The following IPCEF1 variants were observed in gnomAD, a reference collection of about 807,000 sequenced individuals.
IPCEF1 encodes interaction protein for cytohesin exchange factors 1.
A neutral mutation model predicts 50.9 loss-of-function variants in IPCEF1; 31 were observed. The observed-to-expected ratio is 0.61, with a 90% CI of 0.46 to 0.82. The LOEUF (loss-of-function observed/expected upper bound fraction) is 0.82. Among genes scored for constraint, IPCEF1 ranks in the 40% least tolerant of loss-of-function variants. IPCEF1 has a pLI of 0.00. For synonymous variants in IPCEF1, 181 were observed against 192.0 expected (o/e 0.94, Z 0.47); for missense variants, 458 against 514.0 (o/e 0.89, Z 1.05).
At chr6:154,259,666 A>G (rs1171908859) in intron 3 of IPCEF1, among the ~76,000 whole-genome samples, 1 of 151,986 alleles carries the variant, frequency 6.6e-6, no homozygotes, top group Admixed American at 6.5e-5. Flanking sequence ...ATAAATAAAT[A>G]AATAAAATAA....
chr6:154,201,606 T>C (rs1852629), intron 9 of IPCEF1, among the ~76,000 whole-genome samples: 88,976 of 152,098 alleles, frequency 0.58, 26,461 homozygotes, highest in East Asian at 0.89. Context: ...TTCAAAACTC[T>C]AAGGAAGGCC....
At chr6:154,315,122 A>G (rs1783181993) in intron 1 of IPCEF1, among the ~76,000 whole-genome samples, 1 of 152,156 alleles carries the variant, frequency 6.6e-6, no homozygotes, top group Non-Finnish European at 1.5e-5. Flanking sequence ...ACCTCAAATG[A>G]TCTGCCCGCC....
chr6:154,294,926 T>C (rs1191690733), intron 1 of IPCEF1, among the ~76,000 whole-genome samples: 2 of 151,762 alleles, frequency 1.3e-5, no homozygotes, highest in Non-Finnish European at 2.9e-5. Flanking sequence ...TGGCCGGGCG[T>C]GGTAACTCAT....
At chr6:154,270,105 T>C (rs912006190) in intron 2 of IPCEF1, among the ~76,000 whole-genome samples, 6 of 152,190 alleles carry the variant, frequency 3.9e-5, no homozygotes, top group African/African-American at 4.8e-5. Flanking sequence ...TAATGACTAT[T>C]TGATATATCA....
chr6:154,196,567 T>G (rs1776639789), intron 10 of IPCEF1, among the ~76,000 whole-genome samples: 1 of 152,214 alleles, frequency 6.6e-6, no homozygotes, highest in Non-Finnish European at 1.5e-5. Flanking sequence ...CTTCATTCAT[T>G]AAGTAGAAGT....
chr6:154,261,818 C>T (rs1224206475), intron 3 of IPCEF1, among the ~76,000 whole-genome samples: 2 of 152,090 alleles, frequency 1.3e-5, no homozygotes, highest in African/African-American at 4.8e-5. Flanking sequence ...ATTCCTTCCC[C>T]CTACCCCCAA....
At chr6:154,355,708 C>T (rs530788464) in intron 1 of IPCEF1, among the ~76,000 whole-genome samples, 20 of 152,116 alleles carry the variant, frequency 1.3e-4, no homozygotes, top group Non-Finnish European at 2.5e-4. Context: ...AGGCTGGTCT[C>T]GAACTCCTGA....
chr6:154,213,139 C>G lies in IPCEF1; in HGVS notation c.452-284G>C, dbSNP rs1583814152. 2.2e-5 allele frequency: 8 copies of G among 369,996 alleles called. No individual in the cohort carries two copies. The South Asian group carries it at 2.6e-4, about 12-fold the overall frequency. The allele number at this position is 369,996 out of a possible 1,614,324, so 22.9% of individuals were successfully genotyped here. ...ATAATTCCTCAAAAGAGGTGTGAGT[C>G]ATAATACCAAGAGAACACAAAATCA... On this transcript the variant is annotated intron_variant, in intron 8 of 11. Transcript: ENST00000367220.
intron 10 of IPCEF1, among the ~76,000 whole-genome samples, chr6:154,193,011 C>T (rs1802063435): frequency 6.6e-6 from 1 of 152,152 alleles, no homozygotes; most frequent in African/African-American, 2.4e-5. Context: ...AGCAATCCCA[C>T]TACTGGATAT....
chr6:154,204,209 A>G (rs1223979222), intron 9 of IPCEF1, among the ~76,000 whole-genome samples: 1 of 152,208 alleles, frequency 6.6e-6, no homozygotes, highest in Non-Finnish European at 1.5e-5. Context: ...AGCATCATTC[A>G]AATGTTAGCC....
rs373547029 is a variant in IPCEF1, at chr6:154,296,555, C to T, written c.-61-6799G>A. ...GTTGTTAAAATGAATATCGGCCGGG[C>T]GTGGTGGCTCACGCCTGTAATCCCA... On this transcript the variant is annotated intron_variant, in intron 1 of 11. Transcript: ENST00000367220. 1.2e-4 allele frequency among the ~76,000 whole-genome samples: 18 copies of T among 152,230 alleles called. No homozygotes were observed. In the East Asian group the frequency reaches 1.4e-3, roughly 11 times the overall value.
rs533236048 is a variant in IPCEF1 at position 154,158,956 on chromosome 6, A to C, written c.*872T>G. On this transcript the variant is annotated 3_prime_UTR_variant, in exon 12 of 12. Transcript: ENST00000367220. ...GATATTAAAACAATTCAGATGCCAA[A>C]GTCGTCTTGTCAATATTGATCCTGG... is the stretch of plus-strand genomic sequence containing the variant. 6.6e-6 allele frequency: 1 copy of C among 152,304 alleles called. No individual in the cohort carries two copies. The highest frequency in any genetic ancestry group is 1.5e-5 in the Non-Finnish European group (1 of 68,026). 9.4% of individuals were successfully genotyped at this position (152,304 alleles called of 1,614,324 possible). A position where few individuals can be genotyped will look rare whatever the true frequency, so the allele number is the denominator to read the frequency against.
chr6:154,348,412 A>G (rs1469152975), intron 1 of IPCEF1, among the ~76,000 whole-genome samples: 1 of 152,230 alleles, frequency 6.6e-6, no homozygotes, highest in African/African-American at 2.4e-5. Flanking sequence ...TAGACTGGCT[A>G]TAACTGAGTC....
intron 1 of IPCEF1, among the ~76,000 whole-genome samples, chr6:154,317,786 G>T (rs1484043037): frequency 6.6e-6 from 1 of 151,740 alleles, no homozygotes. Context: ...TTAAATGTTT[G>T]GTGCTTTCTT....
intron 10 of IPCEF1, among the ~76,000 whole-genome samples, chr6:154,190,644 A>C (rs1801790786): frequency 6.6e-6 from 1 of 152,158 alleles, no homozygotes; most frequent in Non-Finnish European, 1.5e-5. Flanking sequence ...CAATCCAGCA[A>C]TTGTACTCAT....
At position 154,213,959 on chromosome 6, in the gene IPCEF1, T is replaced by C. The variant is rs569195137; in HGVS notation, c.451+259A>G. ...ATTAAACATTTGCATCGGTGACTGT[T>C]TGAGATGTCATGAAGCCCACAGCTG... On this transcript the variant is annotated intron_variant, in intron 8 of 11. Transcript: ENST00000367220. 1.7e-4 allele frequency among the ~76,000 whole-genome samples: 26 copies of C among 152,330 alleles called. No homozygotes were observed. The South Asian group carries it at 5.2e-3, about 30-fold the overall frequency.
At chr6:154,288,223 G>C (rs1665004346) in intron 2 of IPCEF1, among the ~76,000 whole-genome samples, 1 of 152,174 alleles carries the variant, frequency 6.6e-6, no homozygotes, top group Non-Finnish European at 1.5e-5. Flanking sequence ...AATTGGAAAT[G>C]GTAGAAACTA....
intron 1 of IPCEF1, among the ~76,000 whole-genome samples, chr6:154,341,888 T>C (rs1376685191): frequency 1.3e-5 from 2 of 152,214 alleles, no homozygotes; most frequent in Non-Finnish European, 2.9e-5. Context: ...GTGTAAGCCT[T>C]GAACTGCTGC....
Position 154,159,912 on chromosome 6 carries a change from A to T in IPCEF1, c.1233T>A (p.Ala411=). The T allele has an allele frequency of 6.2e-7, 1 of 1,613,888 alleles. No individual in the cohort carries two copies. The highest frequency in any genetic ancestry group is 1.3e-5 in the African/African-American group (1 of 75,054). The change falls in exon 12 of 12, where the codon GCT becomes GCA. Residue 411 remains alanine, a synonymous_variant. Coordinates refer to ENST00000367220, the MANE Select transcript of IPCEF1 (RefSeq NM_001130700.2). ...LIQDIYQQQR[A]SPAPDDTDDT... ...CATCAGTGTCATCAGGGGCAGGCGA[A>T]GCCCGCTGCTGCTGATAGATGTCCT...
Sources: gnomAD v4.1 joint callset for allele counts (sites outside exome capture counted in the v4.1 genomes callset) on GRCh38, gnomAD v4.1.1 for gene constraint, MANE v1.5 for transcripts, NCBI Gene and HGNC (gene_info 2026-07-23, HGNC 2026-07-21) for gene names.